The following BRIP1 variants were observed in gnomAD, a reference collection of about 807,000 sequenced individuals.
The protein encoded by BRIP1 is Fanconi anemia group J protein.
BRIP1 carries 88 observed loss-of-function variants against 119.7 expected under a neutral mutation model. The observed-to-expected ratio is 0.74, with a 90% confidence interval of 0.62 to 0.88. The LOEUF (loss-of-function observed/expected upper bound fraction) is 0.88, where lower values mean the gene tolerates loss of function less well. BRIP1 is among the 40% of genes least tolerant of loss of function. The pLI, the probability that BRIP1 is intolerant of heterozygous loss-of-function variation, is 0.00. For missense variants in BRIP1, 1,259 were observed against 1,455.4 expected (o/e 0.87, Z 2.20); for synonymous variants, 443 against 496.5 (o/e 0.89, Z 1.43).
At chr17:61,783,835 GA>G (rs1413492178) in intron 11 of BRIP1, 1 of 152,838 alleles carries the variant, frequency 6.5e-6, no homozygotes, top group African/African-American at 2.4e-5. Context: ...AGCACTTTGG[GA>G]GGCTGAGGTG....
chr17:61,715,283 C>T (rs2061843077), intron 17 of BRIP1, among the ~76,000 whole-genome samples: 1 of 151,752 alleles, frequency 6.6e-6, no homozygotes, highest in African/African-American at 2.4e-5. Context: ...TATCCTTCAA[C>T]ATTATCACTA....
At position 61,738,568 on chromosome 17, in the gene BRIP1, C is replaced by A. The variant is rs2076948259; in HGVS notation, c.2379+4445G>T. Among the ~76,000 whole-genome samples the A allele has an allele frequency of 6.6e-6, 1 of 152,010 alleles. No homozygotes were observed. Among genetic ancestry groups the A allele is most frequent in the Non-Finnish European group, 1.5e-5 (1 of 67,996 alleles). ...AATGTCAGAGTAGGCCATCAGGTGTCTTTTTTGCATGACAGACTGAGATAT... is the reference window on the plus strand; with the variant it reads ...AATGTCAGAGTAGGCCATCAGGTGTATTTTTTGCATGACAGACTGAGATAT... On this transcript the variant is annotated intron_variant, in intron 16 of 19. Coordinates refer to ENST00000259008, the MANE Select transcript of BRIP1 (RefSeq NM_032043.3). This position sits in a 1 kb window ranked among gnomAD's most constrained non-coding sequence, Gnocchi z 4.2.
rs2145865965 is a variant in BRIP1, at chr17:61,861,522, A to G, written c.18T>C (p.Ser6=). MSSMW[S]EYTIGGVKIY... ...TCTTCACCCCACCAATTGTATATTC[A>G]GACCACATTGAAGACATAGTGCTTT... Residue 6 remains serine (S), a synonymous_variant, in exon 2 of 20, where the codon TCT becomes TCC. Transcript: ENST00000259008. This position sits in a 1 kb window ranked among gnomAD's most constrained non-coding sequence, Gnocchi z 4.5. 1 of 1,612,136 alleles carries G rather than the reference A, an allele frequency of 6.2e-7. No individual in the cohort carries two copies. The highest frequency in any genetic ancestry group is 1.1e-5 in the South Asian group (1 of 91,042).
In BRIP1 at chr17:61,762,893, A is replaced by T. The variant is rs2077298210; in HGVS notation, c.2097+13508T>A. 6.6e-6 allele frequency among the ~76,000 whole-genome samples: 1 copy of T among 152,166 alleles called. No individual in the cohort carries two copies. The highest frequency in any genetic ancestry group is 1.5e-5 in the Non-Finnish European group (1 of 68,024). ...TCTGAGTATTTACCCCTAAAATTTG[A>T]AGTCAGTTTGCAGAAGAAATATCTA... On this transcript the variant is annotated intron_variant, in intron 14 of 19. Coordinates refer to ENST00000259008, the MANE Select transcript of BRIP1 (RefSeq NM_032043.3). The surrounding 1 kb of genome is among the most constrained non-coding windows in gnomAD (Gnocchi z 4.3).
intron 19 of BRIP1, 62 bp downstream of exon 19, chr17:61,685,774 C>A (rs2144106126): frequency 7.3e-7 from 1 of 1,375,310 alleles, no homozygotes; most frequent in Middle Eastern, 1.9e-4. Context: ...AAATAAATAT[C>A]ATTTCACTAA....
Position 61,744,626 on chromosome 17 carries a change from T to C in BRIP1, c.2098-35A>G. The C allele has an allele frequency of 6.3e-7, 1 of 1,585,704 alleles. No homozygotes were observed. The highest frequency in any genetic ancestry group is 1.1e-5 in the South Asian group (1 of 90,480). ...GGAAAGAAAAAAATGATTTTTTGTGTGTCTAGCTAAACAAACTTAACTTCA... is the reference window on the plus strand; with the variant it reads ...GGAAAGAAAAAAATGATTTTTTGTGCGTCTAGCTAAACAAACTTAACTTCA... On this transcript the variant is annotated intron_variant, in intron 14 of 19. Transcript: ENST00000259008. The surrounding 1 kb of genome is among the most constrained non-coding windows in gnomAD (Gnocchi z 5.0).
chr17:61,731,943 G>T (rs1603299668), intron 16 of BRIP1, among the ~76,000 whole-genome samples: 1 of 140,454 alleles, frequency 7.1e-6, no homozygotes. Flanking sequence ...TTATTATTCT[G>T]AATAGTTGCT....
rs765816425 is a variant in BRIP1, at chr17:61,776,502, T to C, written c.1996A>G (p.Asn666Asp). 6.2e-7 allele frequency: 1 copy of C among 1,614,162 alleles called. No individual in the cohort carries two copies. Among genetic ancestry groups the C allele is most frequent in the East Asian group, 2.2e-5 (1 of 44,876 alleles). The change falls in exon 14 of 20, where the codon AAT becomes GAT. Residue 666 changes from asparagine to aspartate, a missense_variant. Coordinates refer to ENST00000259008, the MANE Select transcript of BRIP1 (RefSeq NM_032043.3). The surrounding 1 kb of genome is among the most constrained non-coding windows in gnomAD (Gnocchi z 5.0). Reference sequence around the variant, plus strand: ...TCTTGGAACTCAAATGTTTCAGTATTCTGGAAGGTAGCACAGAGATTCCGA... The same window carrying C: ...TCTTGGAACTCAAATGTTTCAGTATCCTGGAAGGTAGCACAGAGATTCCGA... ...KGRNLCATFQ[N>D]TETFEFQDEV...
intron 5 of BRIP1, among the ~76,000 whole-genome samples, chr17:61,847,705 T>G (rs974575435): frequency 5.9e-5 from 9 of 152,250 alleles, no homozygotes; most frequent in African/African-American, 2.2e-4. Context: ...TACTAGATAT[T>G]TGATAAACCA....
chr17:61,857,146 G>A lies in BRIP1; in HGVS notation c.291C>T (p.Asn97=), dbSNP rs766561078. 4 of 1,614,044 alleles carry A rather than the reference G, an allele frequency of 2.5e-6. No individual in the cohort carries two copies. The highest frequency in any genetic ancestry group is 3.4e-6 in the Non-Finnish European group (4 of 1,179,940). The change falls in exon 4 of 20, where the codon AAC becomes AAT. Residue 97 remains asparagine (N), a synonymous_variant. Coordinates refer to ENST00000259008, the MANE Select transcript of BRIP1 (RefSeq NM_032043.3). This position sits in a 1 kb window ranked among gnomAD's most constrained non-coding sequence, Gnocchi z 5.1. Reference sequence around the variant, plus strand: ...GTGAAGTTCCTTGGTTCATGTCATTGTTTGTAAAATCCTTTGAATGGCATG... The same window carrying A: ...GTGAAGTTCCTTGGTTCATGTCATTATTTGTAAAATCCTTTGAATGGCATG... The part of the protein sequence containing the change: ...CCACHSKDFT[N]NDMNQGTSRH...
In BRIP1 at chr17:61,759,830, G is replaced by A. The variant is rs763313025; in HGVS notation, c.2098-15239C>T. Among the ~76,000 whole-genome samples the A allele has an allele frequency of 2.0e-5, 3 of 151,200 alleles. No individual in the cohort carries two copies. Among genetic ancestry groups the A allele is most frequent in the Non-Finnish European group, 4.4e-5 (3 of 67,806 alleles). On this transcript the variant is annotated intron_variant, in intron 14 of 19. Coordinates refer to ENST00000259008, the MANE Select transcript of BRIP1 (RefSeq NM_032043.3). This position sits in a 1 kb window ranked among gnomAD's most constrained non-coding sequence, Gnocchi z 4.9. ...AGACATGAAGTGAGTACATAGTATT[G>A]GAAAAATGGTGACAATAGACTTGCT... is the stretch of plus-strand genomic sequence containing the variant.
chr17:61,691,969 G>A lies in BRIP1; in HGVS notation c.2575+1461C>T, dbSNP rs751133658. Among the ~76,000 whole-genome samples the A allele has an allele frequency of 3.3e-5, 5 of 152,192 alleles. No individual in the cohort carries two copies. The highest frequency in any genetic ancestry group is 7.3e-5 in the Non-Finnish European group (5 of 68,028). On this transcript the variant is annotated intron_variant, in intron 18 of 19. Coordinates refer to ENST00000259008, the MANE Select transcript of BRIP1 (RefSeq NM_032043.3). This position sits in a 1 kb window ranked among gnomAD's most constrained non-coding sequence, Gnocchi z 5.0. ...GCAGATCCACACATATATGGTCAGC[G>A]GATCTTCAACAGGGTGTCATTGGGG...
rs1387872870 is a variant in BRIP1, at chr17:61,852,468, G to T, written c.380-3212C>A. ...TGATCATTTGAGGTCAGGAGTTAGA[G>T]ATCAGCCTGGCCAACATGGTGAAAC... On this transcript the variant is annotated intron_variant, in intron 4 of 19. Coordinates refer to ENST00000259008, the MANE Select transcript of BRIP1 (RefSeq NM_032043.3). The surrounding 1 kb of genome is among the most constrained non-coding windows in gnomAD (Gnocchi z 4.9). 6.6e-6 allele frequency among the ~76,000 whole-genome samples: 1 copy of T among 152,076 alleles called. No homozygotes were observed. Among genetic ancestry groups the T allele is most frequent in the Non-Finnish European group, 1.5e-5 (1 of 68,006 alleles).
At position 61,791,977 on chromosome 17, in the gene BRIP1, G is replaced by A. The variant is rs548954438; in HGVS notation, c.1473+1620C>T. 1.2e-4 allele frequency among the ~76,000 whole-genome samples: 19 copies of A among 152,288 alleles called. No individual in the cohort carries two copies. The East Asian group carries it at 2.1e-3, about 17-fold the overall frequency. ...TGTGTCATCTAAAAAAGTTGTACTC[G>A]TAGAAGCAGAGTCCTCAGCCCCAAA... On this transcript the variant is annotated intron_variant, in intron 10 of 19. Transcript: ENST00000259008.
chr17:61,694,918 G>A (rs1471277736), intron 17 of BRIP1, among the ~76,000 whole-genome samples: 3 of 148,600 alleles, frequency 2.0e-5, no homozygotes, highest in African/African-American at 7.5e-5. Flanking sequence ...ATATATTCTG[G>A]ATACTAGATC....
In BRIP1 at chr17:61,713,723, C is replaced by T. The variant is rs917269178; in HGVS notation, c.2492+2228G>A. ...TTTTAGTAGAGATGGGGTTTCACCA[C>T]GTTGGCCAGGTTGCTATCGAACTCC... is the stretch of plus-strand genomic sequence containing the variant. On this transcript the variant is annotated intron_variant, in intron 17 of 19. Coordinates refer to ENST00000259008, the MANE Select transcript of BRIP1 (RefSeq NM_032043.3). This position sits in a 1 kb window ranked among gnomAD's most constrained non-coding sequence, Gnocchi z 4.9. Among the ~76,000 whole-genome samples, 4 of 151,808 alleles carry T rather than the reference C, an allele frequency of 2.6e-5. No homozygotes were observed. The East Asian group carries it at 7.7e-4, about 29-fold the overall frequency.
At chr17:61,731,034 A>G (rs1603299374) in intron 16 of BRIP1, among the ~76,000 whole-genome samples, 1 of 151,812 alleles carries the variant, frequency 6.6e-6, no homozygotes, top group Non-Finnish European at 1.5e-5. Context: ...GAATTTCAAG[A>G]TATACTTAGA....
rs1305307679 is a variant in BRIP1 at position 61,703,522 on chromosome 17, T to C, written c.2493-10010A>G. 1.3e-5 allele frequency among the ~76,000 whole-genome samples: 2 copies of C among 152,236 alleles called. No homozygotes were observed. The highest frequency in any genetic ancestry group is 2.9e-5 in the Non-Finnish European group (2 of 68,038). ...TTTGCTTGTCAATTTAAGTTCCTTA[T>C]GGATTCTGGATATTAGACGTTTGTA... On this transcript the variant is annotated intron_variant, in intron 17 of 19. Transcript: ENST00000259008. This position sits in a 1 kb window ranked among gnomAD's most constrained non-coding sequence, Gnocchi z 5.0.
intron 16 of BRIP1, among the ~76,000 whole-genome samples, chr17:61,719,178 C>A (rs2061931403): frequency 7.3e-6 from 1 of 136,826 alleles, no homozygotes; most frequent in Non-Finnish European, 1.6e-5. Flanking sequence ...GAGACATTGC[C>A]CCCCCCCCAT....
Sources: allele counts gnomAD v4.1 joint callset (sites outside exome capture counted in the v4.1 genomes callset), GRCh38; gene constraint gnomAD v4.1.1; non-coding constraint Gnocchi (gnomAD v3.1); transcripts MANE v1.5; gene names NCBI Gene and HGNC (gene_info 2026-07-23, HGNC 2026-07-21).